Variants in KCNH8 observed in about 807,000 individuals in gnomAD.
KCNH8 encodes the protein potassium voltage-gated channel subfamily H member 8.
Under a neutral mutation model 103.6 loss-of-function variants are expected in KCNH8, and 70 were observed. That is an observed-to-expected ratio of 0.68 (90% CI 0.56 to 0.82). KCNH8 has a LOEUF of 0.82. Ranked by LOEUF, KCNH8 falls within the 40% of genes least tolerant of loss-of-function variation. The pLI, the probability that KCNH8 is intolerant of heterozygous loss-of-function variation, is 0.00. For missense variants in KCNH8, 1,217 were observed against 1,329.9 expected (o/e 0.92, Z 1.32); for synonymous variants, 498 against 489.4 (o/e 1.02, Z -0.23).
intron 1 of KCNH8, among the ~76,000 whole-genome samples, chr3:19,194,496 A>C (rs1382314837): frequency 6.6e-6 from 1 of 151,876 alleles, no homozygotes; most frequent in Non-Finnish European, 1.5e-5. Flanking sequence ...TAATGAAAGA[A>C]GTGCTTATTA....
chr3:19,457,750 T>C (rs565266165), intron 11 of KCNH8, among the ~76,000 whole-genome samples: 11 of 152,138 alleles, frequency 7.2e-5, no homozygotes, highest in Admixed American at 5.9e-4. Flanking sequence ...TTTTTTCCTA[T>C]GTACTTAAGA....
intron 5 of KCNH8, among the ~76,000 whole-genome samples, chr3:19,359,533 C>A (rs2065922018): frequency 1.3e-5 from 2 of 151,952 alleles, no homozygotes; most frequent in African/African-American, 4.8e-5. Context: ...TAGAATTCCT[C>A]AACCGTGGGA....
At chr3:19,442,903 G>A (rs1358131400) in intron 8 of KCNH8, among the ~76,000 whole-genome samples, 1 of 151,970 alleles carries the variant, frequency 6.6e-6, no homozygotes, top group African/African-American at 2.4e-5. Flanking sequence ...TCATAATACT[G>A]TGAGATAGAG....
chr3:19,332,989 T>C (rs979544523), intron 3 of KCNH8, among the ~76,000 whole-genome samples: 1 of 152,194 alleles, frequency 6.6e-6, no homozygotes, highest in Non-Finnish European at 1.5e-5. Context: ...ATCCAGTTTC[T>C]GCACATCTTC....
chr3:19,212,081 A>T (rs961547459), intron 1 of KCNH8, among the ~76,000 whole-genome samples: 3 of 152,186 alleles, frequency 2.0e-5, no homozygotes, highest in Admixed American at 2.0e-4. Flanking sequence ...AGCTTTATTC[A>T]TGGTGTTCCT....
intron 7 of KCNH8, among the ~76,000 whole-genome samples, chr3:19,418,972 C>A (rs1248176137): frequency 6.6e-6 from 1 of 152,046 alleles, no homozygotes; most frequent in Non-Finnish European, 1.5e-5. Context: ...AGAATTTCCA[C>A]CGGAATACAT....
intron 1 of KCNH8, among the ~76,000 whole-genome samples, chr3:19,239,365 G>T (rs955239418): frequency 9.2e-5 from 14 of 152,158 alleles, no homozygotes; most frequent in African/African-American, 3.1e-4. Flanking sequence ...AGGTAGAAGA[G>T]CATAATGGCC....
At chr3:19,530,273 T>G (rs1461968630) in intron 15 of KCNH8, among the ~76,000 whole-genome samples, 1 of 152,170 alleles carries the variant, frequency 6.6e-6, no homozygotes, top group Non-Finnish European at 1.5e-5. Flanking sequence ...AATCACTTAC[T>G]GTATCTTTCA....
intron 5 of KCNH8, among the ~76,000 whole-genome samples, chr3:19,370,812 A>G (rs1209909951): frequency 7.8e-6 from 1 of 128,542 alleles, no homozygotes; most frequent in African/African-American, 3.0e-5. Context: ...TCCTGTGTCC[A>G]TGTGATCTCA....
At position 19,160,621 on chromosome 3, in the gene KCNH8, C is replaced by T. The variant is rs765884536; in HGVS notation, c.76+11826C>T. ...CAAGCAGCTTTGCTTTCCATGATTT[C>T]AATTATGTTCTGTGAGCTGAATCCC... On this transcript the variant is annotated intron_variant, in intron 1 of 15. Coordinates refer to ENST00000328405, the MANE Select transcript of KCNH8 (RefSeq NM_144633.3). 2.8e-4 allele frequency among the ~76,000 whole-genome samples: 43 copies of T among 152,186 alleles called. 1 individual carries two copies. Among genetic ancestry groups the T allele is most frequent in the Admixed American group, 1.6e-3 (25 of 15,288 alleles).
intron 11 of KCNH8, among the ~76,000 whole-genome samples, chr3:19,490,275 T>C (rs532739713): frequency 6.6e-6 from 1 of 152,308 alleles, no homozygotes; most frequent in Non-Finnish European, 1.5e-5. Context: ...AGACACCGAA[T>C]TGTAGAAGGA....
At chr3:19,262,316 T>A (rs1463130858) in intron 2 of KCNH8, among the ~76,000 whole-genome samples, 1 of 152,028 alleles carries the variant, frequency 6.6e-6, no homozygotes, top group Non-Finnish European at 1.5e-5. Flanking sequence ...TAGATATCCT[T>A]CTCATCCATT....
rs545178111 is a variant in KCNH8 at position 19,183,253 on chromosome 3, G to A, written c.76+34458G>A. ...AAAAATAGTATTTTTATTTGTAGACGATATCATTGTCTATGTAGAAAGCCC... is the reference window on the plus strand; with the variant it reads ...AAAAATAGTATTTTTATTTGTAGACAATATCATTGTCTATGTAGAAAGCCC... On this transcript the variant is annotated intron_variant, in intron 1 of 15. Transcript: ENST00000328405. Among the ~76,000 whole-genome samples the A allele has an allele frequency of 5.9e-5, 9 of 152,176 alleles. No individual in the cohort carries two copies. In the East Asian group the frequency reaches 1.4e-3, roughly 23 times the overall value.
At chr3:19,340,549 T>C (rs1031236304) in intron 3 of KCNH8, among the ~76,000 whole-genome samples, 5 of 152,126 alleles carry the variant, frequency 3.3e-5, no homozygotes, top group African/African-American at 7.2e-5. Context: ...TATTTCTTAA[T>C]GTAACATAAC....
intron 5 of KCNH8, among the ~76,000 whole-genome samples, chr3:19,389,827 G>A (rs914350403): frequency 6.6e-6 from 1 of 151,834 alleles, no homozygotes; most frequent in East Asian, 1.9e-4. Flanking sequence ...ATGAGTTCTC[G>A]TTTTGTTGCC....
At chr3:19,187,220 C>A (rs868849107) in intron 1 of KCNH8, among the ~76,000 whole-genome samples, 5 of 151,828 alleles carry the variant, frequency 3.3e-5, no homozygotes, top group African/African-American at 7.2e-5. Flanking sequence ...AAACTCATAA[C>A]TAAAATCAGC....
At chr3:19,222,157 T>C (rs934618032) in intron 1 of KCNH8, among the ~76,000 whole-genome samples, 1 of 152,196 alleles carries the variant, frequency 6.6e-6, no homozygotes, top group Non-Finnish European at 1.5e-5. Context: ...CCTAGCATCC[T>C]ATATTTATAG....
rs1172829454 is a variant in KCNH8 at position 19,342,663 on chromosome 3, C to T, written c.519C>T (p.His173=). The T allele has an allele frequency of 5.6e-6, 9 of 1,610,932 alleles. No individual in the cohort carries two copies. Among genetic ancestry groups the T allele is most frequent in the Middle Eastern group, 1.7e-4 (1 of 6,034 alleles). ...ARRRSRAVLY[H]ISGHLQRREK... ...GACGGAGTCGAGCAGTCCTTTATCA[C>T]ATCTCTGGGCACCTGCAAAGAAGAG... Residue 173 remains histidine, a synonymous_variant, in exon 4 of 16, where the codon CAC becomes CAT. Coordinates refer to ENST00000328405, the MANE Select transcript of KCNH8 (RefSeq NM_144633.3).
At chr3:19,498,537 A>T (rs761538194) in intron 11 of KCNH8, among the ~76,000 whole-genome samples, 21 of 152,138 alleles carry the variant, frequency 1.4e-4, no homozygotes, top group Non-Finnish European at 2.5e-4. Flanking sequence ...TTCTTGGTGG[A>T]AAATTATTTT....
Sources: gnomAD v4.1 joint callset for allele counts (sites outside exome capture counted in the v4.1 genomes callset) on GRCh38, gnomAD v4.1.1 for gene constraint, MANE v1.5 for transcripts, NCBI Gene and HGNC (gene_info 2026-07-23, HGNC 2026-07-21) for gene names.